NR3C2: variants seen among roughly 807,000 people sequenced by gnomAD.
NR3C2 encodes mineralocorticoid receptor.
In NR3C2, 15 loss-of-function variants were observed where a neutral mutation model predicts 86.4. The observed-to-expected ratio is 0.17, with a 90% CI of 0.12 to 0.27. The LOEUF is 0.27. Among genes scored for constraint, NR3C2 ranks in the 10% least tolerant of loss-of-function variants. The probability of loss-of-function intolerance (pLI) is 1.00; values close to 1 mark genes in which losing one functional copy is unlikely to be tolerated. For missense variants in NR3C2, 960 were observed against 1,195.6 expected, an observed-to-expected ratio of 0.80 and a Z score of 2.91; for synonymous variants, 458 against 450.5, an observed-to-expected ratio of 1.02 and a Z score of -0.21.
chr4:148,090,311 T>A (rs1472265576), intron 8 of NR3C2, among the ~76,000 whole-genome samples: 1 of 152,202 alleles, frequency 6.6e-6, no homozygotes, highest in Non-Finnish European at 1.5e-5. Context: ...AAAGATGGGC[T>A]TGGCACATGA....
In NR3C2 at chr4:148,352,927, A is replaced by G. The variant is rs531888243; in HGVS notation, c.1757+82177T>C. ...TATAACACATTTTCTAAAATAACAT[A>G]AAATATAAAGTCAAACAATGAATGA... On this transcript the variant is annotated intron_variant, in intron 2 of 8. Coordinates refer to ENST00000358102, the MANE Select transcript of NR3C2 (RefSeq NM_000901.5). 2.0e-5 allele frequency among the ~76,000 whole-genome samples: 3 copies of G among 152,310 alleles called. No homozygotes were observed. The South Asian group carries it at 6.2e-4, about 32-fold the overall frequency.
intron 6 of NR3C2, among the ~76,000 whole-genome samples, chr4:148,147,176 TAGAA>T (rs1733910186): frequency 6.6e-6 from 1 of 152,344 alleles, no homozygotes; most frequent in South Asian, 2.1e-4. Flanking sequence ...AGTAAAAAAT[TAGAA>T]AGAATGTTTC....
intron 2 of NR3C2, among the ~76,000 whole-genome samples, chr4:148,265,448 T>G (rs1259010611): frequency 6.6e-6 from 1 of 152,178 alleles, no homozygotes. Flanking sequence ...TCATTGAGAA[T>G]CTCTAAGGCA....
chr4:148,221,905 A>AG (rs1737874507), intron 3 of NR3C2, among the ~76,000 whole-genome samples: 1 of 151,360 alleles, frequency 6.6e-6, no homozygotes, highest in Non-Finnish European at 1.5e-5. Flanking sequence ...AAAAAAAAAA[A>AG]AAAAAAAGAA....
chr4:148,422,165 T>G (rs1749314369), intron 2 of NR3C2, among the ~76,000 whole-genome samples: 1 of 152,100 alleles, frequency 6.6e-6, no homozygotes, highest in African/African-American at 2.4e-5. Flanking sequence ...ACCTTACACA[T>G]AGCAACCAAG....
chr4:148,209,203 G>A (rs183132556), intron 3 of NR3C2, among the ~76,000 whole-genome samples: 294 of 148,274 alleles, frequency 2.0e-3, no homozygotes, highest in Admixed American at 4.0e-3. Flanking sequence ...GAAATAGTGC[G>A]ACTGCACTCC....
At chr4:148,153,227 C>G (rs927492786) in intron 5 of NR3C2, among the ~76,000 whole-genome samples, 1 of 126,606 alleles carries the variant, frequency 7.9e-6, no homozygotes, top group Non-Finnish European at 1.8e-5. Flanking sequence ...ATTCTGTCGC[C>G]CAGGCTGGAG....
chr4:148,376,492 C>G (rs1746687753), intron 2 of NR3C2, among the ~76,000 whole-genome samples: 1 of 152,120 alleles, frequency 6.6e-6, no homozygotes, highest in Admixed American at 6.6e-5. Context: ...ATTTCTCTGT[C>G]CTCAGTGACT....
At chr4:148,226,163 T>C (rs142646988) in intron 3 of NR3C2, among the ~76,000 whole-genome samples, 5 of 152,144 alleles carry the variant, frequency 3.3e-5, no homozygotes, top group Admixed American at 3.3e-4. Flanking sequence ...AACCAGACAT[T>C]ATGCTCCACT....
chr4:148,088,139 T>C (rs1383812177), intron 8 of NR3C2, among the ~76,000 whole-genome samples: 1 of 152,158 alleles, frequency 6.6e-6, no homozygotes, highest in African/African-American at 2.4e-5. Context: ...ATTAGAGAAA[T>C]GCAAATCAAA....
At chr4:148,320,002 T>C (rs1486667313) in intron 2 of NR3C2, among the ~76,000 whole-genome samples, 6 of 147,740 alleles carry the variant, frequency 4.1e-5, no homozygotes, top group East Asian at 2.0e-4. Context: ...CAGTATGATA[T>C]TGGCTGTGGG....
chr4:148,261,558 T>C (rs1490527929), intron 2 of NR3C2, among the ~76,000 whole-genome samples: 2 of 152,208 alleles, frequency 1.3e-5, no homozygotes, highest in African/African-American at 2.4e-5. Context: ...ACCTGAGTTT[T>C]GAAGCATGAC....
intron 6 of NR3C2, among the ~76,000 whole-genome samples, chr4:148,128,392 T>G (rs1285066810): frequency 6.6e-6 from 1 of 152,204 alleles, no homozygotes; most frequent in Non-Finnish European, 1.5e-5. Context: ...CCAAATTAAA[T>G]GTAATCGTAG....
chr4:148,400,509 G>A (rs1420970396), intron 2 of NR3C2, among the ~76,000 whole-genome samples: 3 of 152,000 alleles, frequency 2.0e-5, no homozygotes, highest in Non-Finnish European at 4.4e-5. Flanking sequence ...GGCCAGGCAT[G>A]GTGGCTCACA....
intron 3 of NR3C2, among the ~76,000 whole-genome samples, chr4:148,215,189 A>G (rs1449614971): frequency 6.6e-6 from 1 of 152,250 alleles, no homozygotes; most frequent in Non-Finnish European, 1.5e-5. Flanking sequence ...GGCATCCAGA[A>G]TACAGGCATG....
intron 2 of NR3C2, among the ~76,000 whole-genome samples, chr4:148,350,610 G>A (rs1745226703): frequency 6.6e-6 from 1 of 152,004 alleles, no homozygotes; most frequent in South Asian, 2.1e-4. Context: ...TTTTTACAAA[G>A]TCACCATAGT....
chr4:148,280,931 C>A (rs1561016867), intron 2 of NR3C2, among the ~76,000 whole-genome samples: 2 of 152,190 alleles, frequency 1.3e-5, no homozygotes, highest in African/African-American at 4.8e-5. Flanking sequence ...CTTTATTAAA[C>A]CATGTTTGAG....
chr4:148,145,942 T>G (rs1733848710), intron 6 of NR3C2, among the ~76,000 whole-genome samples: 9 of 148,438 alleles, frequency 6.1e-5, no homozygotes, highest in East Asian at 2.0e-4. Context: ...AAGGAAGGAG[T>G]AACAGAGAAG....
chr4:148,213,805 C>T (rs1039102348), intron 3 of NR3C2, among the ~76,000 whole-genome samples: 5 of 152,184 alleles, frequency 3.3e-5, no homozygotes, highest in Admixed American at 6.6e-5. Flanking sequence ...AAAATGAATA[C>T]GCCACGAAAC....
Sources: allele counts gnomAD v4.1 joint callset (sites outside exome capture counted in the v4.1 genomes callset), GRCh38; gene constraint gnomAD v4.1.1; transcripts MANE v1.5; gene names NCBI Gene and HGNC (gene_info 2026-07-23, HGNC 2026-07-21).